The following GLDN variants were observed in gnomAD, a reference collection of about 807,000 sequenced individuals.
The protein encoded by GLDN is gliomedin.
A neutral mutation model predicts 56.5 loss-of-function variants in GLDN; 47 were observed. That is an observed-to-expected ratio of 0.83 (90% CI 0.66 to 1.06). GLDN has a LOEUF of 1.06. GLDN is among the 50% of genes least tolerant of loss of function. The pLI is 0.00. For missense variants in GLDN, 782 were observed against 714.3 expected (o/e 1.09, Z -1.08); for synonymous variants, 332 against 278.8 (o/e 1.19, Z -1.90).
At chr15:51,408,092 G>A (rs2038422663), downstream of GLDN, 2 of 152,194 alleles carry the variant, frequency 1.3e-5, no homozygotes, top group South Asian at 4.1e-4. Context: ...TATTGTGGTA[G>A]AATTATATTA....
At chr15:51,343,912 C>A (rs1048798125) in intron 1 of GLDN, among the ~76,000 whole-genome samples, 3 of 152,356 alleles carry the variant, frequency 2.0e-5, no homozygotes, top group Admixed American at 6.5e-5. Context: ...CCTCATCCCC[C>A]CACCTCCTAT....
rs993010921 is a variant in GLDN at position 51,379,063 on chromosome 15, G to A, written c.415+1563G>A. Among the ~76,000 whole-genome samples, 7 of 152,350 alleles carry A rather than the reference G, an allele frequency of 4.6e-5. No individual in the cohort carries two copies. The South Asian group carries it at 1.4e-3, about 32-fold the overall frequency. ...AGTCCAGCTGTGACCAGGTAACCTG[G>A]CTCCCATTCCTCTTCCTTGCCCAGC... On this transcript the variant is annotated intron_variant, in intron 2 of 9. Transcript: ENST00000335449.
chr15:51,383,553 G>A, intron 3 of GLDN, 100 bp downstream of exon 3: 1 of 1,371,658 alleles, frequency 7.3e-7, no homozygotes, highest in Non-Finnish European at 1.0e-6. Context: ...AGAGCCTGGA[G>A]GCAGTCCTGG....
Position 51,404,419 on chromosome 15 carries a change from A to G in GLDN, c.1321A>G (p.Ser441Gly), listed in dbSNP as rs1430472303. 8 of 1,614,114 alleles carry G rather than the reference A, an allele frequency of 5.0e-6. No homozygotes were observed. The South Asian group carries it at 7.7e-5, about 16-fold the overall frequency. Residue 441 changes from serine (S) to glycine (G), a missense_variant, in exon 10 of 10, where the codon AGT (serine) becomes GGT (glycine). Coordinates refer to ENST00000335449, the MANE Select transcript of GLDN (RefSeq NM_181789.4). ...GGGCCTTTGGATTATCTATGCGTCA[A>G]GTGTGGACGGCTCGAGCATTCTTGT... ...EKGLWIIYAS[S>G]VDGSSILVAQ...
chr15:51,363,353 G>T (rs761599882), intron 1 of GLDN, among the ~76,000 whole-genome samples: 1 of 152,116 alleles, frequency 6.6e-6, no homozygotes, highest in East Asian at 1.9e-4. Flanking sequence ...TGAGCCTTTT[G>T]TGCCCACAGA....
rs60404846 is a variant in GLDN at position 51,353,734 on chromosome 15, A to AAAC, written c.363+11687_363+11688insAAC. 1.4e-4 allele frequency among the ~76,000 whole-genome samples: 18 copies of AAAC among 128,878 alleles called. 1 individual carries two copies. The highest frequency in any genetic ancestry group is 2.9e-4 in the East Asian group (1 of 3,486). 84.5% of individuals were successfully genotyped at this position (128,878 alleles called of 152,430 possible). On this transcript the variant is annotated intron_variant, in intron 1 of 9. Coordinates refer to ENST00000335449, the MANE Select transcript of GLDN (RefSeq NM_181789.4). ...TTGATTAAAAAAAAAAAAAAAAAAA[A>AAAC]CCACAGTCAATTAAAAAAAAAAAAA...
In GLDN at chr15:51,392,247, T is replaced by C. The variant is rs148133676; in HGVS notation, c.542-2588T>C. ...CCATGACCTGTTAGGAACTGGGCCGTACAGCAGGAGGTGAGCGGCAGATGA... is the reference window on the plus strand; with the variant it reads ...CCATGACCTGTTAGGAACTGGGCCGCACAGCAGGAGGTGAGCGGCAGATGA... On this transcript the variant is annotated intron_variant, in intron 4 of 9. Coordinates refer to ENST00000335449, the MANE Select transcript of GLDN (RefSeq NM_181789.4). Among the ~76,000 whole-genome samples the C allele has an allele frequency of 2.5e-3, 388 of 152,322 alleles. 2 individuals carry two copies. The highest frequency in any genetic ancestry group is 8.8e-3 in the African/African-American group (364 of 41,562).
intron 1 of GLDN, among the ~76,000 whole-genome samples, chr15:51,351,952 A>G (rs1301472868): frequency 2.0e-5 from 3 of 152,232 alleles, no homozygotes; most frequent in Non-Finnish European, 4.4e-5. Flanking sequence ...GGGAGATCAT[A>G]TAGGTGAAGT....
At chr15:51,408,698 C>T (rs1197462196), downstream of GLDN, among the ~76,000 whole-genome samples, 1 of 152,174 alleles carries the variant, frequency 6.6e-6, no homozygotes, top group Non-Finnish European at 1.5e-5. Context: ...CATCCCATGA[C>T]AGGCCCTGGT....
Position 51,383,807 on chromosome 15 carries a change from G to A in GLDN, c.456G>A (p.Leu152=). 1 of 1,612,286 alleles carries A rather than the reference G, an allele frequency of 6.2e-7. No individual in the cohort carries two copies. The highest frequency in any genetic ancestry group is 8.5e-7 in the Non-Finnish European group (1 of 1,179,476). ...CAGGACCTCCGGGAGCCGGCGGGTTGCCAGGACACAACGGATTGGATGGAC... is the reference window on the plus strand; with the variant it reads ...CAGGACCTCCGGGAGCCGGCGGGTTACCAGGACACAACGGATTGGATGGAC... ...GPPGPPGAGG[L]PGHNGLDGQP... The change falls in exon 4 of 10, where the codon TTG becomes TTA. Residue 152 remains leucine, a synonymous_variant. Coordinates refer to ENST00000335449, the MANE Select transcript of GLDN (RefSeq NM_181789.4).
chr15:51,382,726 CAA>C (rs576743825), intron 2 of GLDN, among the ~76,000 whole-genome samples: 40 of 82,636 alleles, frequency 4.8e-4, no homozygotes, highest in Non-Finnish European at 3.1e-4. Flanking sequence ...ACTCTGTCTC[CAA>C]AAAAAAAAAA....
chr15:51,404,816 A>G lies in GLDN; in HGVS notation c.*62A>G, dbSNP rs2038340632. The G allele has an allele frequency of 1.2e-6, 1 of 823,634 alleles. No individual in the cohort carries two copies. The highest frequency in any genetic ancestry group is 1.7e-5 in the African/African-American group (1 of 58,444). The allele number at this position is 823,634 out of a possible 1,614,324, so 51.0% of individuals were successfully genotyped here. A position where few individuals can be genotyped will look rare whatever the true frequency, so the allele number is the denominator to read the frequency against. On this transcript the variant is annotated 3_prime_UTR_variant, in exon 10 of 10. Coordinates refer to ENST00000335449, the MANE Select transcript of GLDN (RefSeq NM_181789.4). Reference sequence around the variant, plus strand: ...GTTTTCTGGGACCAGTTCTCCCCCAACAGGAAACTTGTTTTTTTAACGTCA... The same window carrying G: ...GTTTTCTGGGACCAGTTCTCCCCCAGCAGGAAACTTGTTTTTTTAACGTCA...
intron 1 of GLDN, among the ~76,000 whole-genome samples, chr15:51,354,660 G>C (rs1368738937): frequency 1.3e-5 from 2 of 152,186 alleles, no homozygotes; most frequent in African/African-American, 2.4e-5. Flanking sequence ...AAGCCAGACA[G>C]GCCTTCCTGT....
intron 1 of GLDN, among the ~76,000 whole-genome samples, chr15:51,362,502 A>AG (rs1001807065): frequency 9.4e-5 from 14 of 148,394 alleles, no homozygotes; most frequent in South Asian, 4.2e-4. Context: ...AAAAAAAAAA[A>AG]AAAGAAAGAA....
chr15:51,409,427 C>G (rs1362541685), downstream of GLDN, among the ~76,000 whole-genome samples: 3 of 152,084 alleles, frequency 2.0e-5, no homozygotes, highest in Non-Finnish European at 4.4e-5. Context: ...TTTAAGATCC[C>G]TAATCTTCTA....
At chr15:51,359,134 G>T (rs1334673214) in intron 1 of GLDN, among the ~76,000 whole-genome samples, 1 of 152,168 alleles carries the variant, frequency 6.6e-6, no homozygotes, top group African/African-American at 2.4e-5. Context: ...AGCCACCAAT[G>T]GCCCTCAATT....
At chr15:51,380,106 G>A (rs1197647772) in intron 2 of GLDN, among the ~76,000 whole-genome samples, 1 of 152,160 alleles carries the variant, frequency 6.6e-6, no homozygotes, top group Admixed American at 6.5e-5. Context: ...GACACATCAT[G>A]GGGCAAGGGA....
intron 2 of GLDN, among the ~76,000 whole-genome samples, chr15:51,380,256 C>A (rs1159352958): frequency 1.3e-5 from 2 of 152,190 alleles, no homozygotes; most frequent in Non-Finnish European, 2.9e-5. Context: ...GACTGCAGAG[C>A]ATTAAGCCCA....
At chr15:51,391,794 GA>G (rs933859302) in intron 4 of GLDN, among the ~76,000 whole-genome samples, 1 of 152,208 alleles carries the variant, frequency 6.6e-6, no homozygotes, top group Non-Finnish European at 1.5e-5. Flanking sequence ...GCTGACAGTG[GA>G]GGGGCCCCCT....
Sources: allele counts gnomAD v4.1 joint callset (sites outside exome capture counted in the v4.1 genomes callset), GRCh38; gene constraint gnomAD v4.1.1; transcripts MANE v1.5; gene names NCBI Gene and HGNC (gene_info 2026-07-23, HGNC 2026-07-21).